ATP11A: variants seen among roughly 807,000 people sequenced by gnomAD.
ATP11A encodes the protein ATPase phospholipid transporting 11A.
In ATP11A, 81 loss-of-function variants were observed where a neutral mutation model predicts 154.4. The observed-to-expected ratio is 0.52, with a 90% CI of 0.44 to 0.63. The LOEUF is 0.63. ATP11A is among the 30% of genes least tolerant of loss of function. The pLI, the probability that ATP11A is intolerant of heterozygous loss-of-function variation, is 0.00. For synonymous variants in ATP11A, 623 were observed against 585.9 expected, an observed-to-expected ratio of 1.06 and a Z score of -0.91; for missense variants, 1,316 against 1,474.3, an observed-to-expected ratio of 0.89 and a Z score of 1.76.
chr13:112,796,722 T>G (rs2078007845), intron 2 of ATP11A, among the ~76,000 whole-genome samples: 1 of 152,172 alleles, frequency 6.6e-6, no homozygotes, highest in Non-Finnish European at 1.5e-5. Context: ...CTAACTACTT[T>G]GGGGATTTAT....
chr13:112,745,004 A>G (rs1393257259), intron 1 of ATP11A, among the ~76,000 whole-genome samples: 1 of 152,224 alleles, frequency 6.6e-6, no homozygotes, highest in Non-Finnish European at 1.5e-5. Flanking sequence ...CTGATGGGGT[A>G]ATTGGGCACT....
chr13:112,819,030 C>T (rs191570233), intron 6 of ATP11A, among the ~76,000 whole-genome samples: 4 of 152,354 alleles, frequency 2.6e-5, no homozygotes, highest in Non-Finnish European at 5.9e-5. Flanking sequence ...ACTACTATGA[C>T]AGATAAATCA....
rs761406345 is a variant in ATP11A at position 112,810,603 on chromosome 13, T to C, written c.334-16T>C. ...CTCCCTGCTTCCTCTCTCCCTTCTT[T>C]CCTTCCTTTTTTTAGGGTTATGAAG... On this transcript the variant is annotated splice_polypyrimidine_tract_variant and intron_variant, in intron 4 of 29. Transcript: ENST00000375645. 1 of 1,607,746 alleles carries C rather than the reference T, an allele frequency of 6.2e-7. No individual in the cohort carries two copies. Among genetic ancestry groups the C allele is most frequent in the South Asian group, 1.1e-5 (1 of 90,920 alleles).
chr13:112,830,914 T>G (rs1258657656), intron 12 of ATP11A, among the ~76,000 whole-genome samples: 1 of 152,228 alleles, frequency 6.6e-6, no homozygotes, highest in East Asian at 1.9e-4. Flanking sequence ...TTACATGGTA[T>G]TGTAGGTTTT....
chr13:112,826,075 G>A, intron 11 of ATP11A, among the ~76,000 whole-genome samples: 1 of 151,878 alleles, frequency 6.6e-6, no homozygotes, highest in East Asian at 1.9e-4. Context: ...TGAGCCTATA[G>A]CAGGGCCGTG....
chr13:112,849,337 C>T (rs1594169091), intron 17 of ATP11A, among the ~76,000 whole-genome samples: 1 of 152,168 alleles, frequency 6.6e-6, no homozygotes, highest in African/African-American at 2.4e-5. Context: ...TGTGCTGTGT[C>T]CAGGGTTTTC....
chr13:112,839,957 G>A (rs945202202), intron 16 of ATP11A, among the ~76,000 whole-genome samples: 6 of 152,134 alleles, frequency 3.9e-5, no homozygotes, highest in East Asian at 1.9e-4. Context: ...CATGGGAGTC[G>A]GGAAACGGCT....
rs1892121892 is a variant in ATP11A at position 112,746,253 on chromosome 13, C to G, written c.40-38882C>G. 1 of 152,214 alleles carries G rather than the reference C, an allele frequency of 6.6e-6. No individual in the cohort carries two copies. Among genetic ancestry groups the G allele is most frequent in the Non-Finnish European group, 1.5e-5 (1 of 68,068 alleles). The allele number at this position is 152,214 out of a possible 1,614,324, so 9.4% of individuals were successfully genotyped here. A position where few individuals can be genotyped will look rare whatever the true frequency, so the allele number is the denominator to read the frequency against. ...TACCTATGTTTAATTCTCTGAGGAACCTCCGTGCTGTCTCCATAGCAGCCG... is the reference window on the plus strand; with the variant it reads ...TACCTATGTTTAATTCTCTGAGGAAGCTCCGTGCTGTCTCCATAGCAGCCG... On this transcript the variant is annotated intron_variant, in intron 1 of 29. Coordinates refer to ENST00000375645, the MANE Select transcript of ATP11A (RefSeq NM_015205.3). The surrounding 1 kb of genome is among the most constrained non-coding windows in gnomAD (Gnocchi z 4.1).
At position 112,854,275 on chromosome 13, in the gene ATP11A, TC is replaced by T; in HGVS notation, c.1992-3del. Reference sequence around the variant, plus strand: ...TATGCTGTGTTTGGTTTTGCCTCCCTCAGGCTGCAGGAGAAAGCTGCAGACA... The same window carrying T: ...TATGCTGTGTTTGGTTTTGCCTCCCTAGGCTGCAGGAGAAAGCTGCAGACA... On this transcript the variant is annotated splice_region_variant and splice_polypyrimidine_tract_variant and intron_variant, in intron 18 of 29. Coordinates refer to ENST00000375645, the MANE Select transcript of ATP11A (RefSeq NM_015205.3). 1.9e-6 allele frequency: 3 copies of T among 1,613,838 alleles called. No individual in the cohort carries two copies. The highest frequency in any genetic ancestry group is 2.5e-6 in the Non-Finnish European group (3 of 1,179,896).
chr13:112,819,973 T>C (rs1044003718), intron 8 of ATP11A, 23 bp downstream of exon 8: 2 of 1,567,344 alleles, frequency 1.3e-6, no homozygotes, highest in Admixed American at 1.9e-5. Context: ...GCGGATGCCT[T>C]GGCCACGGTC....
At chr13:112,822,478 G>C (rs975425644) in intron 8 of ATP11A, among the ~76,000 whole-genome samples, 2 of 152,090 alleles carry the variant, frequency 1.3e-5, no homozygotes, top group Non-Finnish European at 2.9e-5. Flanking sequence ...CCCATTCAGA[G>C]GAGCTTTGCA....
At chr13:112,787,812 A>G (rs1194813652) in intron 2 of ATP11A, among the ~76,000 whole-genome samples, 2 of 141,230 alleles carry the variant, frequency 1.4e-5, no homozygotes, top group Non-Finnish European at 3.0e-5. Context: ...GTGGAGACCT[A>G]CTTAATTCAC....
intron 1 of ATP11A, among the ~76,000 whole-genome samples, chr13:112,764,975 G>T (rs1219448114): frequency 6.6e-6 from 1 of 152,188 alleles, no homozygotes; most frequent in East Asian, 1.9e-4. Context: ...GATTATATGG[G>T]CACTGGGGCA....
At chr13:112,813,016 C>T (rs183986640) in intron 5 of ATP11A, among the ~76,000 whole-genome samples, 1 of 152,174 alleles carries the variant, frequency 6.6e-6, no homozygotes, top group African/African-American at 2.4e-5. Context: ...TTTAATGTAT[C>T]GGTCTTCTGT....
At chr13:112,766,619 G>A (rs2077082872) in intron 1 of ATP11A, among the ~76,000 whole-genome samples, 1 of 152,108 alleles carries the variant, frequency 6.6e-6, no homozygotes, top group African/African-American at 2.4e-5. Context: ...TCCCTGTAAG[G>A]GAAGGGGAAG....
At chr13:112,880,931 G>A (rs367814782) in intron 29 of ATP11A, 2 of 992,478 alleles carry the variant, frequency 2.0e-6, no homozygotes, top group Admixed American at 6.0e-5. Context: ...ACAGGCTCAC[G>A]ATCCTGGTCT....
chr13:112,690,102 G>A lies in ATP11A; in HGVS notation c.-315G>A, dbSNP rs1313415392. On this transcript the variant is annotated 5_prime_UTR_variant, in exon 1 of 30. Coordinates refer to ENST00000375645, the MANE Select transcript of ATP11A (RefSeq NM_015205.3). The surrounding 1 kb of genome is among the most constrained non-coding windows in gnomAD (Gnocchi z 5.6). Reference sequence around the variant, plus strand: ...CAGAGCGCAGGCTCCGCCGCGGCCGGGGTGCTCCAGCCGAGCCCAACCGAG... The same window carrying A: ...CAGAGCGCAGGCTCCGCCGCGGCCGAGGTGCTCCAGCCGAGCCCAACCGAG... Among the ~76,000 whole-genome samples, 1 of 148,512 alleles carries A rather than the reference G, an allele frequency of 6.7e-6. No individual in the cohort carries two copies.
At chr13:112,781,344 C>A (rs568432304) in intron 1 of ATP11A, among the ~76,000 whole-genome samples, 1 of 152,072 alleles carries the variant, frequency 6.6e-6, no homozygotes, top group African/African-American at 2.4e-5. Context: ...CCGGCAGGGA[C>A]CCCGTTTTGT....
Position 112,850,954 on chromosome 13 carries a change from G to A in ATP11A, c.1810-83G>A, listed in dbSNP as rs1454113693. The stretch of plus-strand genomic sequence containing the variant: ...TGGGTTAGTTAGTCTAATGAGAGAA[G>A]GGATACTGGGAAGGCCGTGGAGCGT... On this transcript the variant is annotated intron_variant, in intron 17 of 29. Transcript: ENST00000375645. 5 of 1,300,914 alleles carry A rather than the reference G, an allele frequency of 3.8e-6. No homozygotes were observed. The African/African-American group carries it at 5.9e-5, about 15-fold the overall frequency. The allele number at this position is 1,300,914 out of a possible 1,614,324, so 80.6% of individuals were successfully genotyped here.
Sources: allele counts gnomAD v4.1 joint callset (sites outside exome capture counted in the v4.1 genomes callset), GRCh38; gene constraint gnomAD v4.1.1; non-coding constraint Gnocchi (gnomAD v3.1); transcripts MANE v1.5; gene names NCBI Gene and HGNC (gene_info 2026-07-23, HGNC 2026-07-21).